Variants in ATXN1 observed in about 807,000 individuals in gnomAD.
ATXN1 encodes the protein ataxin-1.
Under a neutral mutation model 56.4 loss-of-function variants are expected in ATXN1, and 8 were observed. The observed-to-expected ratio is 0.14, with a 90% CI of 0.08 to 0.26. The LOEUF (loss-of-function observed/expected upper bound fraction) is 0.26. Ranked by LOEUF, ATXN1 falls within the 10% of genes least tolerant of loss-of-function variation. ATXN1 has a pLI of 1.00. For synonymous variants in ATXN1, 514 were observed against 494.6 expected (o/e 1.04, Z -0.52); for missense variants, 987 against 1,106.5 (o/e 0.89, Z 1.53).
intron 4 of ATXN1, among the ~76,000 whole-genome samples, chr6:16,561,079 T>C (rs1762107468): frequency 6.6e-6 from 1 of 152,284 alleles, no homozygotes; most frequent in South Asian, 2.1e-4. Flanking sequence ...AAGAATTTTA[T>C]GAAATATTCT....
At chr6:16,756,282 A>C (rs1055395614) in intron 1 of ATXN1, among the ~76,000 whole-genome samples, 1 of 152,268 alleles carries the variant, frequency 6.6e-6, no homozygotes, top group South Asian at 2.1e-4. Context: ...AACATTTAAA[A>C]AATTCTGTAA....
At chr6:16,676,851 T>C (rs2209026) in intron 2 of ATXN1, among the ~76,000 whole-genome samples, 9,108 of 152,166 alleles carry the variant, frequency 0.06, 332 homozygotes, top group Admixed American at 0.12. Flanking sequence ...AGAAAAGTGT[T>C]ACATCAACAC....
At chr6:16,490,394 A>C (rs1280639661) in intron 5 of ATXN1, among the ~76,000 whole-genome samples, 1 of 152,152 alleles carries the variant, frequency 6.6e-6, no homozygotes, top group Admixed American at 6.5e-5. Flanking sequence ...TACAGTCCCA[A>C]ATGGCTGTCC....
intron 1 of ATXN1, among the ~76,000 whole-genome samples, chr6:16,759,839 A>G (rs1761014073): frequency 6.6e-6 from 1 of 152,106 alleles, no homozygotes; most frequent in Admixed American, 6.5e-5. Flanking sequence ...GGTCTGAAAC[A>G]AAATGAAAGC....
At chr6:16,687,095 T>C (rs1166573841) in intron 2 of ATXN1, among the ~76,000 whole-genome samples, 1 of 152,212 alleles carries the variant, frequency 6.6e-6, no homozygotes, top group African/African-American at 2.4e-5. Context: ...CATTGGCATG[T>C]AATTACAACC....
intron 2 of ATXN1, among the ~76,000 whole-genome samples, chr6:16,720,431 G>A (rs1161315110): frequency 6.6e-6 from 1 of 152,196 alleles, no homozygotes; most frequent in East Asian, 1.9e-4. Context: ...CGTCCTCAGT[G>A]CATACAACCA....
Position 16,326,802 on chromosome 6 carries a change from C to T in ATXN1, c.1509G>A (p.Gly503=), listed in dbSNP as rs1760817233. The T allele has an allele frequency of 6.2e-7, 1 of 1,608,676 alleles. No homozygotes were observed. Among genetic ancestry groups the T allele is most frequent in the South Asian group, 1.1e-5 (1 of 90,614 alleles). The change falls in exon 7 of 8, where the codon GGG becomes GGA. Residue 503 remains glycine (G), a synonymous_variant. Coordinates refer to ENST00000436367, the MANE Select transcript of ATXN1 (RefSeq NM_001128164.2). This position sits in a 1 kb window ranked among gnomAD's most constrained non-coding sequence, Gnocchi z 6.6. The part of the protein sequence containing the change: ...PVGSTDMEAS[G]AAPAIVTSSP... Reference sequence around the variant, plus strand: ...ATGACGTGACTATGGCCGGGGCTGCCCCCGACGCTTCCATGTCAGTGCTGC... The same window carrying T: ...ATGACGTGACTATGGCCGGGGCTGCTCCCGACGCTTCCATGTCAGTGCTGC...
chr6:16,356,216 CTT>C (rs765334711), intron 6 of ATXN1, among the ~76,000 whole-genome samples: 1 of 152,206 alleles, frequency 6.6e-6, no homozygotes, highest in Non-Finnish European at 1.5e-5. Context: ...CCACGGCACT[CTT>C]TGCACAAAAC....
At chr6:16,721,990 T>C (rs1056938294) in intron 2 of ATXN1, among the ~76,000 whole-genome samples, 1 of 152,176 alleles carries the variant, frequency 6.6e-6, no homozygotes, top group Non-Finnish European at 1.5e-5. Context: ...TGATCAGAAA[T>C]GAAGAATTCC....
At chr6:16,467,007 G>A (rs999556708) in intron 6 of ATXN1, among the ~76,000 whole-genome samples, 8 of 152,248 alleles carry the variant, frequency 5.3e-5, no homozygotes, top group South Asian at 4.1e-4. Context: ...GTGCAGCCTC[G>A]CATAACATAA....
At chr6:16,320,794 A>T (rs1250025296) in intron 7 of ATXN1, among the ~76,000 whole-genome samples, 1 of 152,252 alleles carries the variant, frequency 6.6e-6, no homozygotes, top group East Asian at 1.9e-4. Flanking sequence ...TGATATGCTC[A>T]CGCAGGCTGG....
At chr6:16,692,334 C>T (rs1249701105) in intron 2 of ATXN1, among the ~76,000 whole-genome samples, 1 of 152,220 alleles carries the variant, frequency 6.6e-6, no homozygotes, top group African/African-American at 2.4e-5. Flanking sequence ...CAAACCTCTA[C>T]CTTAGCAGCC....
intron 3 of ATXN1, among the ~76,000 whole-genome samples, chr6:16,607,367 T>G (rs984069843): frequency 6.6e-6 from 1 of 152,196 alleles, no homozygotes; most frequent in East Asian, 1.9e-4. Flanking sequence ...CCTGGACATA[T>G]AAGGGAGAAT....
At chr6:16,741,682 T>G (rs980227951) in intron 2 of ATXN1, among the ~76,000 whole-genome samples, 2 of 152,078 alleles carry the variant, frequency 1.3e-5, no homozygotes, top group African/African-American at 4.8e-5. Context: ...TGTCATGGAG[T>G]TTAGTCTGAG....
At chr6:16,609,877 C>A (rs1463474532) in intron 3 of ATXN1, among the ~76,000 whole-genome samples, 1 of 152,014 alleles carries the variant, frequency 6.6e-6, no homozygotes, top group African/African-American at 2.4e-5. Context: ...GGGGAGGAGA[C>A]CCAGACTTAG....
At chr6:16,754,373 G>A (rs925546076) in intron 1 of ATXN1, among the ~76,000 whole-genome samples, 9 of 152,176 alleles carry the variant, frequency 5.9e-5, no homozygotes, top group African/African-American at 2.2e-4. Context: ...CCAGGTAACA[G>A]TAGGAAGAAG....
At chr6:16,732,584 A>C (rs557270342) in intron 2 of ATXN1, among the ~76,000 whole-genome samples, 28 of 152,228 alleles carry the variant, frequency 1.8e-4, no homozygotes, top group African/African-American at 5.5e-4. Context: ...CACACACAAA[A>C]AAAAATCACT....
intron 2 of ATXN1, among the ~76,000 whole-genome samples, chr6:16,751,935 T>A (rs1760731957): frequency 1.3e-5 from 2 of 152,234 alleles, no homozygotes; most frequent in South Asian, 4.1e-4. Context: ...AAGAAAGTTC[T>A]AATATTACCT....
intron 2 of ATXN1, among the ~76,000 whole-genome samples, chr6:16,708,734 A>G (rs1759460893): frequency 6.6e-6 from 1 of 152,190 alleles, no homozygotes; most frequent in Non-Finnish European, 1.5e-5. Flanking sequence ...GATATAGAGA[A>G]AGGAAAGCAA....
Sources: gnomAD v4.1 joint callset for allele counts (sites outside exome capture counted in the v4.1 genomes callset) on GRCh38, gnomAD v4.1.1 for gene constraint, Gnocchi (gnomAD v3.1) non-coding constraint, MANE v1.5 for transcripts, NCBI Gene and HGNC (gene_info 2026-07-23, HGNC 2026-07-21) for gene names.